LINGO2: variants seen among roughly 807,000 people sequenced by gnomAD.
LINGO2 encodes leucine rich repeat and Ig domain containing 2, also known as leucine-rich repeat and immunoglobulin-like domain-containing nogo receptor-interacting protein 2.
In LINGO2, 14 loss-of-function variants were observed where a neutral mutation model predicts 30.6. The ratio of observed to expected loss-of-function variants is 0.46; its 90% CI spans 0.30 to 0.72. LINGO2 has a LOEUF of 0.72. Ranked by LOEUF, LINGO2 falls within the 30% of genes least tolerant of loss-of-function variation. LINGO2 has a pLI of 0.07. For missense variants in LINGO2, 729 were observed against 751.7 expected, an observed-to-expected ratio of 0.97 and a Z score of 0.35; for synonymous variants, 317 against 288.5, an observed-to-expected ratio of 1.10 and a Z score of -1.00.
At chr9:29,168,896 C>G in the LINGO2 span, among the ~76,000 whole-genome samples, 1 of 152,156 alleles carries the variant, frequency 6.6e-6, no homozygotes, top group South Asian at 2.1e-4. Flanking sequence ...TACAATATGT[C>G]ATCACTGTCC....
chr9:28,504,037 A>AG (rs938422872), intron 1 of LINGO2, among the ~76,000 whole-genome samples: 5 of 152,024 alleles, frequency 3.3e-5, no homozygotes, highest in African/African-American at 9.6e-5. Context: ...CCCACACAGC[A>AG]GAAAAACTAT....
intron 4 of LINGO2, among the ~76,000 whole-genome samples, chr9:28,267,756 A>G (rs1367674565): frequency 2.0e-5 from 3 of 152,010 alleles, no homozygotes; most frequent in South Asian, 2.1e-4. Flanking sequence ...ATATGGCTAC[A>G]TGATCCCCTA....
the LINGO2 span, among the ~76,000 whole-genome samples, chr9:29,030,625 G>C: frequency 1.3e-5 from 2 of 152,058 alleles, no homozygotes; most frequent in African/African-American, 2.4e-5. Context: ...TTCATGATGA[G>C]ATTCTTCTCA....
At chr9:28,255,280 A>G (rs1241731045) in intron 4 of LINGO2, among the ~76,000 whole-genome samples, 1 of 151,878 alleles carries the variant, frequency 6.6e-6, no homozygotes, top group Non-Finnish European at 1.5e-5. Context: ...GTATAGTAAC[A>G]TCTGTACAGG....
At chr9:28,376,963 T>C (rs1459753742) in intron 2 of LINGO2, among the ~76,000 whole-genome samples, 1 of 150,398 alleles carries the variant, frequency 6.6e-6, no homozygotes, top group Non-Finnish European at 1.5e-5. Context: ...TTCTTCATTA[T>C]TACACAATAG....
At chr9:28,060,418 T>A (rs902298665) in intron 4 of LINGO2, among the ~76,000 whole-genome samples, 4 of 152,200 alleles carry the variant, frequency 2.6e-5, no homozygotes, top group African/African-American at 9.6e-5. Context: ...AGTACTTTTG[T>A]AAGTGCCCCA....
chr9:28,436,497 G>A (rs1356141146), intron 2 of LINGO2, among the ~76,000 whole-genome samples: 2 of 150,726 alleles, frequency 1.3e-5, no homozygotes, highest in South Asian at 2.1e-4. Context: ...TCGCTCTGTC[G>A]CCAAGGCTGG....
At chr9:28,087,780 C>T (rs1825955795) in intron 4 of LINGO2, among the ~76,000 whole-genome samples, 1 of 151,994 alleles carries the variant, frequency 6.6e-6, no homozygotes, top group African/African-American at 2.4e-5. Context: ...TTCATTGGTA[C>T]ATATTTCCAG....
intron 1 of LINGO2, among the ~76,000 whole-genome samples, chr9:28,626,226 A>C (rs1046201842): frequency 6.6e-5 from 10 of 152,120 alleles, no homozygotes; most frequent in African/African-American, 2.4e-4. Flanking sequence ...TTTGTATGAA[A>C]TGAATATCCA....
intron 1 of LINGO2, among the ~76,000 whole-genome samples, chr9:28,561,898 G>A (rs746135556): frequency 2.5e-4 from 37 of 150,924 alleles, no homozygotes; most frequent in Non-Finnish European, 5.0e-4. Flanking sequence ...CAGATCTGTG[G>A]TGTACCAATA....
chr9:28,081,690 C>G (rs1825778582), intron 4 of LINGO2, among the ~76,000 whole-genome samples: 1 of 152,282 alleles, frequency 6.6e-6, no homozygotes, highest in Non-Finnish European at 1.5e-5. Flanking sequence ...CTTAATGAAG[C>G]TGAACATCAC....
intron 2 of LINGO2, among the ~76,000 whole-genome samples, chr9:28,424,230 T>A (rs182356062): frequency 1.6e-3 from 237 of 152,214 alleles, no homozygotes; most frequent in Non-Finnish European, 2.4e-3. Context: ...ACTAGGCTGG[T>A]TTTTCAGCTC....
chr9:28,139,594 G>C (rs1587066598), intron 4 of LINGO2, among the ~76,000 whole-genome samples: 2 of 152,174 alleles, frequency 1.3e-5, no homozygotes, highest in South Asian at 4.1e-4. Flanking sequence ...AGATTCTTCA[G>C]TTGGTCCTTT....
intron 1 of LINGO2, among the ~76,000 whole-genome samples, chr9:28,622,609 TA>T (rs1826456344): frequency 6.6e-6 from 1 of 152,090 alleles, no homozygotes; most frequent in Non-Finnish European, 1.5e-5. Context: ...GATGGACACT[TA>T]GGTTGCTTCC....
At chr9:27,983,537 G>A (rs1820983606) in intron 5 of LINGO2, among the ~76,000 whole-genome samples, 1 of 151,818 alleles carries the variant, frequency 6.6e-6, no homozygotes, top group Admixed American at 6.6e-5. Flanking sequence ...AAGACATGAT[G>A]CTTTCCTAGA....
intron 5 of LINGO2, among the ~76,000 whole-genome samples, chr9:27,963,326 C>G (rs1331175373): frequency 6.6e-6 from 1 of 152,090 alleles, no homozygotes; most frequent in African/African-American, 2.4e-5. Context: ...TATATTTCCT[C>G]TGCAATAGGA....
At chr9:29,024,210 C>T in the LINGO2 span, among the ~76,000 whole-genome samples, 1 of 152,068 alleles carries the variant, frequency 6.6e-6, no homozygotes, top group African/African-American at 2.4e-5. Flanking sequence ...CTACAGGAAT[C>T]CAAACCCCAT....
At chr9:28,064,924 G>A (rs2133143743) in intron 4 of LINGO2, among the ~76,000 whole-genome samples, 1 of 151,336 alleles carries the variant, frequency 6.6e-6, no homozygotes, top group Non-Finnish European at 1.5e-5. Flanking sequence ...GAAAACACAG[G>A]GTTCTGTGAA....
intron 1 of LINGO2, among the ~76,000 whole-genome samples, chr9:28,589,512 C>T (rs906652077): frequency 6.6e-6 from 1 of 152,014 alleles, no homozygotes; most frequent in African/African-American, 2.4e-5. Flanking sequence ...CAATAACAGA[C>T]AAACAGAGAG....
Sources: gnomAD v4.1 joint callset for allele counts (sites outside exome capture counted in the v4.1 genomes callset) on GRCh38, gnomAD v4.1.1 for gene constraint, MANE v1.5 for transcripts, NCBI Gene and HGNC (gene_info 2026-07-23, HGNC 2026-07-21) for gene names.